GRM1: variants seen among roughly 807,000 people sequenced by gnomAD.
The protein encoded by GRM1 is glutamate metabotropic receptor 1.
Under a neutral mutation model 90.9 loss-of-function variants are expected in GRM1, and 33 were observed. The observed-to-expected ratio is 0.36, with a 90% CI of 0.28 to 0.49. The LOEUF is 0.49. GRM1 is among the 20% of genes least tolerant of loss of function. The pLI is 0.99. For synonymous variants in GRM1, 700 were observed against 613.2 expected, an observed-to-expected ratio of 1.14 and a Z score of -2.09; for missense variants, 1,190 against 1,534.3, an observed-to-expected ratio of 0.78 and a Z score of 3.75.
chr6:146,288,641 GA>G (rs142305398), intron 2 of GRM1, among the ~76,000 whole-genome samples: 4,446 of 152,080 alleles, frequency 0.029, 228 homozygotes, highest in African/African-American at 0.1. Context: ...GAGTAGCTGG[GA>G]TTACAGGTGT....
chr6:146,219,459 A>G (rs1482171767), intron 2 of GRM1, among the ~76,000 whole-genome samples: 1 of 152,110 alleles, frequency 6.6e-6, no homozygotes, highest in East Asian at 1.9e-4. Flanking sequence ...AGTGTGTGGG[A>G]CAGCCCAGAA....
chr6:146,269,374 G>A (rs1782030606), intron 2 of GRM1, among the ~76,000 whole-genome samples: 1 of 152,166 alleles, frequency 6.6e-6, no homozygotes, highest in Admixed American at 6.5e-5. Context: ...TGCTTCATAT[G>A]TCATTTAAAC....
Position 146,116,254 on chromosome 6 carries a change from G to C in GRM1, c.701-43094G>C, listed in dbSNP as rs57225700. Among the ~76,000 whole-genome samples the C allele has an allele frequency of 2.0e-3, 301 of 152,150 alleles. 1 individual carries two copies. Among genetic ancestry groups the C allele is most frequent in the African/African-American group, 7.0e-3 (291 of 41,520 alleles). ...TTACAGGCATGAACCATTGCACCTG[G>C]CCCCCATTCATCAATTTAAGAGAGA... is the stretch of plus-strand genomic sequence containing the variant. On this transcript the variant is annotated intron_variant, in intron 1 of 7. Coordinates refer to ENST00000282753, the MANE Select transcript of GRM1 (RefSeq NM_001278064.2).
chr6:146,299,703 T>C (rs985537950), intron 2 of GRM1, among the ~76,000 whole-genome samples: 1 of 152,196 alleles, frequency 6.6e-6, no homozygotes, highest in Non-Finnish European at 1.5e-5. Flanking sequence ...TTCATCTGAA[T>C]ACTTGTGGGA....
At chr6:146,195,128 A>G (rs531401060) in intron 2 of GRM1, among the ~76,000 whole-genome samples, 1 of 152,336 alleles carries the variant, frequency 6.6e-6, no homozygotes, top group African/African-American at 2.4e-5. Context: ...TTTTAAAATG[A>G]TTTGAATATG....
intron 2 of GRM1, among the ~76,000 whole-genome samples, chr6:146,210,556 A>G (rs921805619): frequency 2.0e-5 from 3 of 152,118 alleles, no homozygotes; most frequent in Non-Finnish European, 4.4e-5. Context: ...GGAGTGCTGG[A>G]TTTTGGGTAG....
chr6:146,121,307 G>C (rs990206456), intron 1 of GRM1, among the ~76,000 whole-genome samples: 1 of 151,930 alleles, frequency 6.6e-6, no homozygotes, highest in African/African-American at 2.4e-5. Context: ...TTTTTATTGC[G>C]TCTATTTGAT....
chr6:146,270,069 T>G (rs78705018), intron 2 of GRM1, among the ~76,000 whole-genome samples: 4 of 152,114 alleles, frequency 2.6e-5, no homozygotes, highest in Non-Finnish European at 4.4e-5. Flanking sequence ...TATGGTATAT[T>G]AAGGTTTTAT....
intron 2 of GRM1, among the ~76,000 whole-genome samples, chr6:146,221,517 G>C (rs535450224): frequency 1.3e-5 from 2 of 152,082 alleles, no homozygotes; most frequent in African/African-American, 4.8e-5. Context: ...CCTGCAAAGG[G>C]CATGAATTCA....
intron 1 of GRM1, among the ~76,000 whole-genome samples, chr6:146,106,818 G>T (rs188050422): frequency 6.6e-6 from 1 of 152,316 alleles, no homozygotes; most frequent in African/African-American, 2.4e-5. Context: ...TTGCCACACT[G>T]TAGGTGCCTT....
chr6:146,149,815 C>T (rs935988894), intron 1 of GRM1, among the ~76,000 whole-genome samples: 4 of 152,148 alleles, frequency 2.6e-5, no homozygotes, highest in Non-Finnish European at 5.9e-5. Flanking sequence ...GGGTGCTATA[C>T]TTGTGCCTGC....
At chr6:146,249,109 T>A (rs1358161126) in intron 2 of GRM1, among the ~76,000 whole-genome samples, 2 of 152,136 alleles carry the variant, frequency 1.3e-5, no homozygotes, top group African/African-American at 2.4e-5. Context: ...AGAACTTATG[T>A]TTGAGAAGGA....
At chr6:146,366,588 A>G (rs1263150198) in intron 5 of GRM1, among the ~76,000 whole-genome samples, 1 of 152,160 alleles carries the variant, frequency 6.6e-6, no homozygotes, top group Admixed American at 6.6e-5. Flanking sequence ...GAGTAAGAAC[A>G]TGCAACATAT....
At chr6:146,118,902 C>T (rs1041392542) in intron 1 of GRM1, among the ~76,000 whole-genome samples, 7 of 152,222 alleles carry the variant, frequency 4.6e-5, no homozygotes, top group Admixed American at 2.0e-4. Context: ...AGTAAACATA[C>T]ATGTGCATGT....
intron 2 of GRM1, among the ~76,000 whole-genome samples, chr6:146,220,769 A>G (rs546486252): frequency 6.6e-6 from 1 of 152,214 alleles, no homozygotes; most frequent in Non-Finnish European, 1.5e-5. Flanking sequence ...AAGGAGTGAG[A>G]GCGCACATCG....
chr6:146,238,288 T>C (rs1314225811), intron 2 of GRM1, among the ~76,000 whole-genome samples: 1 of 152,194 alleles, frequency 6.6e-6, no homozygotes, highest in Non-Finnish European at 1.5e-5. Context: ...AACTATAAGC[T>C]GACAGCATTA....
rs576163270 is a variant in GRM1 at position 146,117,221 on chromosome 6, G to T, written c.701-42127G>T. Reference sequence around the variant, plus strand: ...TAATATTTTGATAATGCTGAATTTGGATCAAAAATTATATTTATTGTATTC... The same window carrying T: ...TAATATTTTGATAATGCTGAATTTGTATCAAAAATTATATTTATTGTATTC... On this transcript the variant is annotated intron_variant, in intron 1 of 7. Coordinates refer to ENST00000282753, the MANE Select transcript of GRM1 (RefSeq NM_001278064.2). Among the ~76,000 whole-genome samples the T allele has an allele frequency of 3.3e-5, 5 of 150,206 alleles. No individual in the cohort carries two copies. In the South Asian group the frequency reaches 8.4e-4, roughly 25 times the overall value.
At chr6:146,163,274 A>G (rs540931101) in intron 2 of GRM1, among the ~76,000 whole-genome samples, 2 of 152,298 alleles carry the variant, frequency 1.3e-5, no homozygotes, top group South Asian at 4.1e-4. Context: ...CAAAAGAATC[A>G]TTTCTTCTTG....
intron 3 of GRM1, among the ~76,000 whole-genome samples, chr6:146,328,854 A>T (rs1279607283): frequency 6.6e-6 from 1 of 152,084 alleles, no homozygotes; most frequent in Non-Finnish European, 1.5e-5. Flanking sequence ...TCTTCATTTG[A>T]TCCTTACCTA....
Sources: gnomAD v4.1 joint callset for allele counts (sites outside exome capture counted in the v4.1 genomes callset) on GRCh38, gnomAD v4.1.1 for gene constraint, MANE v1.5 for transcripts, NCBI Gene and HGNC (gene_info 2026-07-23, HGNC 2026-07-21) for gene names.